MED21: variants seen among roughly 807,000 people sequenced by gnomAD.
MED21 encodes the protein mediator of RNA polymerase II transcription subunit 21.
Under a neutral mutation model 18.2 loss-of-function variants are expected in MED21, and 9 were observed. That is an observed-to-expected ratio of 0.49 (90% CI 0.30 to 0.86). The LOEUF (loss-of-function observed/expected upper bound fraction) is 0.86. MED21 is among the 40% of genes least tolerant of loss of function. The pLI, the probability that MED21 is intolerant of heterozygous loss-of-function variation, is 0.07. For synonymous variants in MED21, 73 were observed against 60.5 expected (o/e 1.21, Z -0.96); for missense variants, 150 against 170.9 (o/e 0.88, Z 0.68).
downstream of MED21, among the ~76,000 whole-genome samples, chr12:27,032,023 G>T (rs568526676): frequency 6.6e-6 from 1 of 152,172 alleles, no homozygotes; most frequent in Non-Finnish European, 1.5e-5. Context: ...AGCTTTGAGA[G>T]GACCAAAAAC....
In MED21 at chr12:27,022,571, G is replaced by T. The variant is rs2136478941; in HGVS notation, c.-9G>T. The T allele has an allele frequency of 6.5e-7, 1 of 1,544,922 alleles. No individual in the cohort carries two copies. Among genetic ancestry groups the T allele is most frequent in the Non-Finnish European group, 8.8e-7 (1 of 1,138,880 alleles). On this transcript the variant is annotated 5_prime_UTR_variant, in exon 1 of 4. Transcript: ENST00000282892. ...AGCTGTTTTGGCGTCTGTTTGCTGC[G>T]GTAGGAACATGGCGGATCGGCTCAC... is the stretch of plus-strand genomic sequence containing the variant.
chr12:27,036,351 T>TA (rs1168039910), intron 2 of MED21, among the ~76,000 whole-genome samples: 1 of 152,228 alleles, frequency 6.6e-6, no homozygotes. Flanking sequence ...CTTTGTCAGA[T>TA]GAGTAGGTTG....
At position 27,023,300 on chromosome 12, in the gene MED21, C is replaced by CTTTTTTTTTTTTTT. The variant is rs71437317; in HGVS notation, c.42+683_42+696dup. 2.4e-4 allele frequency among the ~76,000 whole-genome samples: 26 copies of CTTTTTTTTTTTTTT among 110,390 alleles called. 1 individual carries two copies. Among genetic ancestry groups the CTTTTTTTTTTTTTT allele is most frequent in the African/African-American group, 5.0e-4 (14 of 27,746 alleles). 72.4% of individuals were successfully genotyped at this position (110,390 alleles called of 152,430 possible). A position where few individuals can be genotyped will look rare whatever the true frequency, so the allele number is the denominator to read the frequency against. On this transcript the variant is annotated intron_variant, in intron 1 of 3. Transcript: ENST00000282892. The stretch of plus-strand genomic sequence containing the variant: ...CGCTTATTTGAGTCTTTTTTCTTTT[C>CTTTTTTTTTTTTTT]TTTTTTTTTTTTTTTTTACTTTGGA...
Position 27,030,153 on chromosome 12 carries a change from T to A in MED21, c.*1692T>A. 1.5e-6 allele frequency: 1 copy of A among 661,552 alleles called. No homozygotes were observed. Among genetic ancestry groups the A allele is most frequent in the Non-Finnish European group, 2.8e-6 (1 of 361,488 alleles). 41.0% of individuals were successfully genotyped at this position (661,552 alleles called of 1,614,324 possible). A position where few individuals can be genotyped will look rare whatever the true frequency, so the allele number is the denominator to read the frequency against. On this transcript the variant is annotated 3_prime_UTR_variant, in exon 4 of 4. Transcript: ENST00000282892. The stretch of plus-strand genomic sequence containing the variant: ...TTTTGTTGTTCTTGTTTCTGTTTTT[T>A]TAAGGTGAAGTCTCTGTCACCCAAG...
chr12:27,033,443 C>T (rs898634376), downstream of MED21, among the ~76,000 whole-genome samples: 8 of 152,144 alleles, frequency 5.3e-5, no homozygotes, highest in Admixed American at 2.0e-4. Context: ...AGGATTTCAA[C>T]GTACAAATTT....
chr12:27,035,590 C>G (rs1462019123), downstream of MED21, among the ~76,000 whole-genome samples: 1 of 96,030 alleles, frequency 1.0e-5, no homozygotes, highest in Non-Finnish European at 2.0e-5. Context: ...CCTCCCCCCT[C>G]CCCCCACCCC....
intron 1 of MED21, 189 bp downstream of exon 1, chr12:27,022,810 G>A (rs755210557): frequency 1.3e-6 from 2 of 1,511,070 alleles, no homozygotes; most frequent in Non-Finnish European, 1.8e-6. Context: ...GGCGGTGCTT[G>A]AAGGTGCGGG....
Position 27,028,362 on chromosome 12 carries a change from C to A in MED21, c.336C>A (p.Asp112Glu), listed in dbSNP as rs199932523. ...TCLEDVVYRG[D>E]MLLEKIQSAL... ...TGGAGGATGTTGTTTATCGAGGAGA[C>A]ATGCTTCTGGAGAAGATACAAAGCG... is the stretch of plus-strand genomic sequence containing the variant. The change falls in exon 4 of 4, where the codon GAC becomes GAA. Residue 112 changes from aspartate (D) to glutamate (E), a missense_variant. Coordinates refer to ENST00000282892, the MANE Select transcript of MED21 (RefSeq NM_004264.5). 49 of 1,614,016 alleles carry A rather than the reference C, an allele frequency of 3.0e-5. No homozygotes were observed. Among genetic ancestry groups the A allele is most frequent in the Non-Finnish European group, 4.1e-5 (48 of 1,180,016 alleles).
At chr12:27,023,740 C>G (rs1455083519) in intron 1 of MED21, among the ~76,000 whole-genome samples, 3 of 152,100 alleles carry the variant, frequency 2.0e-5, no homozygotes, top group African/African-American at 7.2e-5. Flanking sequence ...CCAGAGGATG[C>G]GCAGTCATGG....
In MED21 at chr12:27,028,981, T is replaced by A; in HGVS notation, c.*520T>A. ...GAGTTAGTGTGGCTGGATAAGAAAG[T>A]CACATTTATGCAAATGTTTCTTCTG... is the stretch of plus-strand genomic sequence containing the variant. On this transcript the variant is annotated 3_prime_UTR_variant, in exon 4 of 4. Coordinates refer to ENST00000282892, the MANE Select transcript of MED21 (RefSeq NM_004264.5). The A allele has an allele frequency of 1.0e-6, 1 of 985,502 alleles. No homozygotes were observed. The highest frequency in any genetic ancestry group is 1.7e-5 in the African/African-American group (1 of 57,360). The allele number at this position is 985,502 out of a possible 1,614,324, so 61.0% of individuals were successfully genotyped here. A position where few individuals can be genotyped will look rare whatever the true frequency, so the allele number is the denominator to read the frequency against.
At position 27,029,224 on chromosome 12, in the gene MED21, G is replaced by C. The variant is rs945808840; in HGVS notation, c.*763G>C. The C allele has an allele frequency of 1.0e-6, 1 of 985,166 alleles. No individual in the cohort carries two copies. Among genetic ancestry groups the C allele is most frequent in the Non-Finnish European group, 1.2e-6 (1 of 829,872 alleles). The allele number at this position is 985,166 out of a possible 1,614,324, so 61.0% of individuals were successfully genotyped here. ...ATTCTTTCTCATTCTCCATTTATCT[G>C]AAGGTTCTTTTGCCCTTATTAACCT... On this transcript the variant is annotated 3_prime_UTR_variant, in exon 4 of 4. Transcript: ENST00000282892.
intron 3 of MED21, among the ~76,000 whole-genome samples, chr12:27,028,011 G>C (rs116955649): frequency 6.6e-6 from 1 of 152,260 alleles, no homozygotes; most frequent in South Asian, 2.1e-4. Flanking sequence ...AAGAATGAGA[G>C]GAGGGTGGCA....
chr12:27,027,238 A>C (rs772133486), intron 2 of MED21, 109 bp from the exon 3 acceptor site: 22 of 691,424 alleles, frequency 3.2e-5, no homozygotes, highest in Non-Finnish European at 5.1e-5. Flanking sequence ...AATCATTAGA[A>C]TCTTAGGGCA....
chr12:27,038,726 A>T (rs1317982071), intron 2 of MED21: 1 of 152,246 alleles, frequency 6.6e-6, no homozygotes, highest in Non-Finnish European at 1.5e-5. Context: ...CCCTGGGGAA[A>T]GAATGGAAAT....
chr12:27,031,076 T>C (rs1324766821), downstream of MED21, among the ~76,000 whole-genome samples: 1 of 151,946 alleles, frequency 6.6e-6, no homozygotes, highest in Non-Finnish European at 1.5e-5. Context: ...CCTGGCTAAT[T>C]TTGTATTTTT....
At chr12:27,032,858 T>C (rs2136494698), downstream of MED21, among the ~76,000 whole-genome samples, 1 of 152,288 alleles carries the variant, frequency 6.6e-6, no homozygotes, top group South Asian at 2.1e-4. Flanking sequence ...TGGACTTTGA[T>C]CCACCTTCAG....
chr12:27,023,059 T>C (rs1941493827), intron 1 of MED21, among the ~76,000 whole-genome samples: 1 of 152,156 alleles, frequency 6.6e-6, no homozygotes, highest in African/African-American at 2.4e-5. Context: ...GACTGGGTTT[T>C]TGTAATGAAA....
chr12:27,033,610 C>T (rs967870266), downstream of MED21, among the ~76,000 whole-genome samples: 6 of 151,974 alleles, frequency 3.9e-5, no homozygotes, highest in Non-Finnish European at 7.4e-5. Flanking sequence ...ATTGATAGCC[C>T]CAGGGGTAAG....
At chr12:27,028,214 TA>T in intron 3 of MED21, 70 bp from the exon 4 acceptor site, 2 of 1,442,598 alleles carry the variant, frequency 1.4e-6, no homozygotes, top group Non-Finnish European at 1.8e-6. Context: ...CATCCAGATT[TA>T]AAAATAAGTA....
Sources: gnomAD v4.1 joint callset for allele counts (sites outside exome capture counted in the v4.1 genomes callset) on GRCh38, gnomAD v4.1.1 for gene constraint, MANE v1.5 for transcripts, NCBI Gene and HGNC (gene_info 2026-07-23, HGNC 2026-07-21) for gene names.